Variants in HEG1 observed in about 807,000 individuals in gnomAD.
The protein encoded by HEG1 is heart development protein with EGF like domains 1.
A neutral mutation model predicts 125.6 loss-of-function variants in HEG1; 56 were observed. The observed-to-expected ratio is 0.45, with a 90% CI of 0.36 to 0.56. The LOEUF is 0.56. Among genes scored for constraint, HEG1 ranks in the 20% least tolerant of loss-of-function variants. HEG1 has a pLI of 0.00. For synonymous variants in HEG1, 644 were observed against 668.5 expected (o/e 0.96, Z 0.57); for missense variants, 1,523 against 1,670.0 (o/e 0.91, Z 1.53).
intron 14 of HEG1, among the ~76,000 whole-genome samples, chr3:124,986,568 C>G (rs1330560650): frequency 6.6e-6 from 1 of 152,154 alleles, no homozygotes; most frequent in Admixed American, 6.5e-5. Context: ...AACTGTCTTG[C>G]AACACTGAAA....
rs574417312 is a variant in HEG1, at chr3:124,991,853, G to A, written c.3653-867C>T. ...TCAAACTCCTGACCTCAGATGATCC[G>A]CCCTCCTCGGCCTCCCAAAGTACTA... On this transcript the variant is annotated intron_variant, in intron 12 of 16. Coordinates refer to ENST00000311127, the MANE Select transcript of HEG1 (RefSeq NM_020733.2). 9.9e-4 allele frequency among the ~76,000 whole-genome samples: 151 copies of A among 152,246 alleles called. 2 individuals are homozygous for A. Among genetic ancestry groups the A allele is most frequent in the African/African-American group, 3.4e-3 (142 of 41,550 alleles).
At position 125,022,703 on chromosome 3, in the gene HEG1, ATAAAT is replaced by A. The variant is rs1560028975; in HGVS notation, c.914-1578_914-1574del. 1.7e-3 allele frequency among the ~76,000 whole-genome samples: 201 copies of A among 118,842 alleles called. 3 individuals carry two copies. In the East Asian group the frequency reaches 0.032, roughly 19 times the overall value. 78.0% of individuals were successfully genotyped at this position (118,842 alleles called of 152,430 possible). ...CAGTATTAAAAAAAAAAAGAAATAA[ATAAAT>A]AAAAAGAAAAGAAAGCATTATAGAT... On this transcript the variant is annotated intron_variant, in intron 3 of 16. Transcript: ENST00000311127.
rs1320932292 is a variant in HEG1, at chr3:125,055,741, C to G, written c.150G>C (p.Ala50=). Residue 50 remains alanine, a synonymous_variant, in exon 1 of 17, where the codon GCG becomes GCC. Coordinates refer to ENST00000311127, the MANE Select transcript of HEG1 (RefSeq NM_020733.2). ...RALSLAPLAG[A]GLELQLERRP... ...GGCGCTCCAGCTGCAGCTCCAGCCC[C>G]GCTCCCGCGAGGGGCGCCAGGCTCA... 1.4e-5 allele frequency: 14 copies of G among 1,027,164 alleles called. No homozygotes were observed. The highest frequency in any genetic ancestry group is 3.5e-5 in the African/African-American group (2 of 57,750). The allele number at this position is 1,027,164 out of a possible 1,614,324, so 63.6% of individuals were successfully genotyped here. A position where few individuals can be genotyped will look rare whatever the true frequency, so the allele number is the denominator to read the frequency against.
At chr3:124,987,048 C>T (rs1936750010) in intron 14 of HEG1, among the ~76,000 whole-genome samples, 2 of 152,200 alleles carry the variant, frequency 1.3e-5, no homozygotes, top group South Asian at 4.1e-4. Context: ...TCTAATAAAA[C>T]TTATTTAGGG....
chr3:124,996,595 T>C (rs1936926865), intron 12 of HEG1, among the ~76,000 whole-genome samples: 2 of 152,210 alleles, frequency 1.3e-5, no homozygotes, highest in African/African-American at 2.4e-5. Context: ...GAGCTGATGA[T>C]GCGCACTTGA....
At chr3:124,988,897 C>CA (rs1386568484) in intron 14 of HEG1, among the ~76,000 whole-genome samples, 1 of 152,160 alleles carries the variant, frequency 6.6e-6, no homozygotes, top group African/African-American at 2.4e-5. Flanking sequence ...AGCCTGGCGA[C>CA]AGAACAAGAC....
At chr3:125,011,134 C>T (rs933011742) in intron 6 of HEG1, among the ~76,000 whole-genome samples, 3 of 151,854 alleles carry the variant, frequency 2.0e-5, no homozygotes, top group Non-Finnish European at 1.5e-5. Context: ...ATGCTTCATA[C>T]AGGTTTCTGA....
Position 125,002,321 on chromosome 3 carries a change from AG to A in HEG1, c.3298-7del. On this transcript the variant is annotated splice_region_variant and splice_polypyrimidine_tract_variant and intron_variant, in intron 9 of 16. Coordinates refer to ENST00000311127, the MANE Select transcript of HEG1 (RefSeq NM_020733.2). ...GCTGAAAAACACATATTTAACTGAA[AG>A]GAAGAACAAGCCTGTCGTTAACAGT... 6.2e-7 allele frequency: 1 copy of A among 1,612,732 alleles called. No homozygotes were observed. The highest frequency in any genetic ancestry group is 8.5e-7 in the Non-Finnish European group (1 of 1,179,058).
At chr3:125,003,113 C>T (rs1937022688) in intron 9 of HEG1, among the ~76,000 whole-genome samples, 1 of 152,252 alleles carries the variant, frequency 6.6e-6, no homozygotes, top group Admixed American at 6.5e-5. Context: ...AGCCTAATAG[C>T]AATGATTTAT....
intron 15 of HEG1, among the ~76,000 whole-genome samples, chr3:124,976,838 T>C (rs560844039): frequency 6.9e-4 from 105 of 152,296 alleles, no homozygotes; most frequent in African/African-American, 2.4e-3. Flanking sequence ...CCCTTCATCT[T>C]CTTCCAGGAG....
chr3:125,018,228 C>T (rs1357948265), intron 5 of HEG1, among the ~76,000 whole-genome samples: 5 of 152,156 alleles, frequency 3.3e-5, no homozygotes, highest in Non-Finnish European at 5.9e-5. Context: ...TGTGATACAA[C>T]GTGGATGAAC....
intron 16 of HEG1, 143 bp downstream of exon 16, chr3:124,973,588 A>G: frequency 1.7e-6 from 1 of 601,500 alleles, no homozygotes. Flanking sequence ...GACTGTAGGT[A>G]AACTGACTAG....
chr3:125,019,985 G>A (rs1326055203), intron 4 of HEG1, among the ~76,000 whole-genome samples: 1 of 152,160 alleles, frequency 6.6e-6, no homozygotes, highest in Non-Finnish European at 1.5e-5. Flanking sequence ...GTTCTCATAT[G>A]AATAAAGGTT....
At chr3:124,988,805 T>C (rs1164864841) in intron 14 of HEG1, among the ~76,000 whole-genome samples, 1 of 152,136 alleles carries the variant, frequency 6.6e-6, no homozygotes. Context: ...TTGTCCCAGC[T>C]ACTTGGGAGA....
intron 1 of HEG1, among the ~76,000 whole-genome samples, chr3:125,036,682 T>C (rs1389854027): frequency 6.6e-6 from 1 of 152,094 alleles, no homozygotes; most frequent in Non-Finnish European, 1.5e-5. Flanking sequence ...CAAAAGGAAA[T>C]ATATAAGTGG....
At chr3:125,047,217 A>G (rs962196968) in intron 1 of HEG1, among the ~76,000 whole-genome samples, 1 of 152,262 alleles carries the variant, frequency 6.6e-6, no homozygotes, top group African/African-American at 2.4e-5. Context: ...TGTCCAGTAA[A>G]ATGCCTGGAA....
At chr3:124,985,179 G>C (rs1039497803) in intron 14 of HEG1, among the ~76,000 whole-genome samples, 2 of 152,122 alleles carry the variant, frequency 1.3e-5, no homozygotes, top group African/African-American at 4.8e-5. Context: ...CTGGAGTGGG[G>C]AGCCCGAAGT....
chr3:125,010,349 T>G (rs6784454), intron 7 of HEG1, 90 bp downstream of exon 7: 446,353 of 724,108 alleles, frequency 0.62, 141,556 homozygotes, highest in South Asian at 0.71. Context: ...AAACAGTGTA[T>G]TTGTCCACAT....
chr3:125,034,320 G>C (rs932659226), intron 1 of HEG1, among the ~76,000 whole-genome samples: 8 of 151,926 alleles, frequency 5.3e-5, no homozygotes, highest in Admixed American at 3.9e-4. Context: ...TCAAATGCTA[G>C]AATTACCAGA....
Sources: allele counts gnomAD v4.1 joint callset (sites outside exome capture counted in the v4.1 genomes callset), GRCh38; gene constraint gnomAD v4.1.1; transcripts MANE v1.5; gene names NCBI Gene and HGNC (gene_info 2026-07-23, HGNC 2026-07-21).